Variants in GALNT17 observed in about 807,000 individuals in gnomAD.
GALNT17 encodes the protein UDP-GalNAc:polypeptide N-acetylgalactosaminyltransferase-like 3.
GALNT17 carries 29 observed loss-of-function variants against 63.7 expected under a neutral mutation model. The observed-to-expected ratio is 0.46, with a 90% confidence interval of 0.34 to 0.62. GALNT17 has a LOEUF of 0.62. Among genes scored for constraint, GALNT17 ranks in the 20% least tolerant of loss-of-function variants. GALNT17 has a pLI of 0.01. For missense variants in GALNT17, 603 were observed against 799.6 expected (o/e 0.75, Z 2.97); for synonymous variants, 305 against 318.3 (o/e 0.96, Z 0.45).
chr7:71,338,540 T>A (rs1406676902), intron 2 of GALNT17, among the ~76,000 whole-genome samples: 1 of 152,028 alleles, frequency 6.6e-6, no homozygotes, highest in Non-Finnish European at 1.5e-5. Context: ...TTTGTGTGCA[T>A]CTTGGTTGGA....
intron 1 of GALNT17, among the ~76,000 whole-genome samples, chr7:71,306,919 G>T (rs1791311317): frequency 6.6e-6 from 1 of 152,122 alleles, no homozygotes; most frequent in Non-Finnish European, 1.5e-5. Flanking sequence ...TGCCTCCTGG[G>T]TTCATGCCAT....
At chr7:71,293,616 G>A (rs1791023687) in intron 1 of GALNT17, among the ~76,000 whole-genome samples, 1 of 152,102 alleles carries the variant, frequency 6.6e-6, no homozygotes, top group Non-Finnish European at 1.5e-5. Context: ...AACATTTCTT[G>A]AAAGGCAGGT....
At position 71,310,218 on chromosome 7, in the gene GALNT17, A is replaced by G. The variant is rs149743337; in HGVS notation, c.239-25332A>G. ...GCAGCATGAAAACAGAAGAATACAT[A>G]TATCATCCATATGGTTCACGATGTC... On this transcript the variant is annotated intron_variant, in intron 1 of 10. Coordinates refer to ENST00000333538, the MANE Select transcript of GALNT17 (RefSeq NM_022479.3). 1.4e-3 allele frequency among the ~76,000 whole-genome samples: 216 copies of G among 152,312 alleles called. 3 individuals are homozygous for G. The highest frequency in any genetic ancestry group is 4.9e-3 in the African/African-American group (204 of 41,570).
chr7:71,155,646 T>C (rs1788221217), intron 1 of GALNT17, among the ~76,000 whole-genome samples: 4 of 151,764 alleles, frequency 2.6e-5, no homozygotes, highest in Non-Finnish European at 1.5e-5. Context: ...TATTGCTACC[T>C]CTGAAGACAG....
intron 5 of GALNT17, among the ~76,000 whole-genome samples, chr7:71,560,602 G>T (rs892318311): frequency 1.3e-5 from 2 of 152,226 alleles, no homozygotes; most frequent in African/African-American, 4.8e-5. Context: ...GAGCCATCAT[G>T]CCTTCGTGCC....
In GALNT17 at chr7:71,546,717, A is replaced by G. The variant is rs181982618; in HGVS notation, c.963-24568A>G. Among the ~76,000 whole-genome samples the G allele has an allele frequency of 3.8e-4, 58 of 152,300 alleles. No individual in the cohort carries two copies. In the East Asian group the frequency reaches 8.3e-3, roughly 22 times the overall value. ...CTGTGAGAATGAAATGGGATCCTACATATATATGAAGTTCATGGCCTTGGA... is the reference window on the plus strand; with the variant it reads ...CTGTGAGAATGAAATGGGATCCTACGTATATATGAAGTTCATGGCCTTGGA... On this transcript the variant is annotated intron_variant, in intron 5 of 10. Coordinates refer to ENST00000333538, the MANE Select transcript of GALNT17 (RefSeq NM_022479.3).
chr7:71,473,294 G>A (rs368177934), intron 5 of GALNT17, among the ~76,000 whole-genome samples: 4 of 152,108 alleles, frequency 2.6e-5, no homozygotes, highest in South Asian at 2.1e-4. Context: ...ATCTCTTTTC[G>A]GACCTTAATT....
At chr7:71,286,739 G>T (rs73356016) in intron 1 of GALNT17, among the ~76,000 whole-genome samples, 6,924 of 130,530 alleles carry the variant, frequency 0.053, 538 homozygotes, top group African/African-American at 0.19. Context: ...CTCCTAGAGG[G>T]GCCTTGTTTT....
At chr7:71,376,584 T>C (rs1446259333) in intron 2 of GALNT17, among the ~76,000 whole-genome samples, 1 of 145,790 alleles carries the variant, frequency 6.9e-6, no homozygotes, top group Non-Finnish European at 1.5e-5. Context: ...TGTGTCTGTC[T>C]GTGTGTCTTT....
intron 6 of GALNT17, among the ~76,000 whole-genome samples, chr7:71,654,830 C>T (rs1399602118): frequency 6.6e-6 from 1 of 151,980 alleles, no homozygotes; most frequent in African/African-American, 2.4e-5. Flanking sequence ...TGCTTGTCGC[C>T]CAGACTAGAA....
chr7:71,536,929 C>T (rs139754954), intron 5 of GALNT17, among the ~76,000 whole-genome samples: 7 of 152,312 alleles, frequency 4.6e-5, no homozygotes, highest in African/African-American at 1.4e-4. Flanking sequence ...TCCCCAGCCC[C>T]TGCACAGGGA....
At chr7:71,238,993 A>G (rs2116462796) in intron 1 of GALNT17, among the ~76,000 whole-genome samples, 1 of 152,268 alleles carries the variant, frequency 6.6e-6, no homozygotes, top group East Asian at 1.9e-4. Flanking sequence ...GAGGCCTGTC[A>G]GCAACCGTGT....
chr7:71,145,671 G>T (rs1015631144), intron 1 of GALNT17, among the ~76,000 whole-genome samples: 11 of 152,154 alleles, frequency 7.2e-5, no homozygotes, highest in African/African-American at 2.6e-4. Context: ...CTTCTTCCCT[G>T]ATTAATTTTA....
chr7:71,553,077 C>G (rs1487131343), intron 5 of GALNT17, among the ~76,000 whole-genome samples: 1 of 152,100 alleles, frequency 6.6e-6, no homozygotes, highest in Non-Finnish European at 1.5e-5. Flanking sequence ...GTAATCCTAG[C>G]ACTTTGGGAG....
chr7:71,402,633 T>G (rs1050492011), intron 3 of GALNT17, among the ~76,000 whole-genome samples: 2 of 152,200 alleles, frequency 1.3e-5, no homozygotes, highest in Non-Finnish European at 2.9e-5. Flanking sequence ...GACAAGCATA[T>G]CTGATCAACA....
At chr7:71,550,198 AT>A (rs1342746877) in intron 5 of GALNT17, among the ~76,000 whole-genome samples, 7 of 152,198 alleles carry the variant, frequency 4.6e-5, no homozygotes, top group African/African-American at 1.4e-4. Context: ...AAATAAAAGT[AT>A]CCCACAACCT....
At chr7:71,418,668 G>C (rs748739811) in intron 4 of GALNT17, among the ~76,000 whole-genome samples, 2 of 152,204 alleles carry the variant, frequency 1.3e-5, no homozygotes, top group South Asian at 4.1e-4. Context: ...ATTGGAGACT[G>C]GGGGAAGGAG....
intron 1 of GALNT17, among the ~76,000 whole-genome samples, chr7:71,174,560 G>A (rs536510918): frequency 2.0e-5 from 3 of 152,358 alleles, no homozygotes; most frequent in Admixed American, 6.5e-5. Context: ...TCAGCAAAGC[G>A]TGGTGGGTTA....
intron 1 of GALNT17, among the ~76,000 whole-genome samples, chr7:71,236,733 CG>C (rs1789898693): frequency 6.6e-6 from 1 of 152,112 alleles, no homozygotes; most frequent in Non-Finnish European, 1.5e-5. Flanking sequence ...CAGCCCTCGG[CG>C]GGGGCACCTG....
Sources: gnomAD v4.1 joint callset for allele counts (sites outside exome capture counted in the v4.1 genomes callset) on GRCh38, gnomAD v4.1.1 for gene constraint, MANE v1.5 for transcripts, NCBI Gene and HGNC (gene_info 2026-07-23, HGNC 2026-07-21) for gene names.